ITPR2: variants seen among roughly 807,000 people sequenced by gnomAD.
The protein encoded by ITPR2 is inositol 1,4,5-trisphosphate receptor type 2.
A neutral mutation model predicts 317.1 loss-of-function variants in ITPR2; 207 were observed. The ratio of observed to expected loss-of-function variants is 0.65; its 90% CI spans 0.58 to 0.73. ITPR2 has a LOEUF of 0.73. Among genes scored for constraint, ITPR2 ranks in the 30% least tolerant of loss-of-function variants. The probability of loss-of-function intolerance (pLI) is 0.00; values close to 1 mark genes in which losing one functional copy is unlikely to be tolerated. For synonymous variants in ITPR2, 1,156 were observed against 1,149.1 expected (o/e 1.01, Z -0.12); for missense variants, 2,613 against 3,284.0 (o/e 0.80, Z 4.99).
chr12:26,439,388 A>T, intron 46 of ITPR2, 69 bp from the exon 47 acceptor site: 1 of 1,151,612 alleles, frequency 8.7e-7, no homozygotes, highest in East Asian at 2.5e-5. Flanking sequence ...TTTTGTTTTT[A>T]ACATGAGTTT....
chr12:26,460,467 G>A (rs981285185), intron 45 of ITPR2, among the ~76,000 whole-genome samples: 3 of 152,128 alleles, frequency 2.0e-5, no homozygotes, highest in East Asian at 1.9e-4. Flanking sequence ...TAACAGAAAC[G>A]AAATTAGTAA....
intron 35 of ITPR2, 24 bp from the exon 36 acceptor site, chr12:26,556,399 C>T (rs1944661849): frequency 6.2e-7 from 1 of 1,600,340 alleles, no homozygotes; most frequent in East Asian, 2.2e-5. Context: ...CACAAGAGAA[C>T]CCACATGAAG....
intron 37 of ITPR2, among the ~76,000 whole-genome samples, chr12:26,543,983 T>C (rs1944327348): frequency 6.6e-6 from 1 of 152,170 alleles, no homozygotes; most frequent in Non-Finnish European, 1.5e-5. Flanking sequence ...CTTTGTAAAC[T>C]CTTGCTTTTC....
At chr12:26,375,466 A>G (rs1939310110) in intron 55 of ITPR2, among the ~76,000 whole-genome samples, 1 of 152,234 alleles carries the variant, frequency 6.6e-6, no homozygotes, top group Non-Finnish European at 1.5e-5. Context: ...CAAACTGACC[A>G]CACCACCTCT....
chr12:26,589,823 A>T (rs56123323), intron 32 of ITPR2, among the ~76,000 whole-genome samples: 2,654 of 38,574 alleles, frequency 0.069, 233 homozygotes, highest in Non-Finnish European at 0.11. Context: ...TAAATAAATA[A>T]ATAAATAAAC....
intron 9 of ITPR2, among the ~76,000 whole-genome samples, chr12:26,698,052 G>C (rs746501438): frequency 1.6e-4 from 24 of 152,140 alleles, no homozygotes; most frequent in Non-Finnish European, 3.2e-4. Flanking sequence ...CAGACAACCA[G>C]AGAAGAGACA....
intron 34 of ITPR2, among the ~76,000 whole-genome samples, chr12:26,567,982 A>ATATATATATATATATATTATATATAT (rs1945035417): frequency 8.7e-5 from 1 of 11,486 alleles, no homozygotes; most frequent in Non-Finnish European, 3.7e-4. Flanking sequence ...TATATATTAT[A>ATATATATATATATATATTATATATAT]TATATATATA....
At chr12:26,803,338 G>A (rs900390052) in intron 1 of ITPR2, among the ~76,000 whole-genome samples, 1 of 149,834 alleles carries the variant, frequency 6.7e-6, no homozygotes, top group Non-Finnish European at 1.5e-5. Flanking sequence ...ACCCAGCACA[G>A]TGACTGGCAT....
intron 13 of ITPR2, among the ~76,000 whole-genome samples, chr12:26,666,804 A>T (rs2062165): frequency 1.3e-5 from 2 of 152,082 alleles, no homozygotes; most frequent in African/African-American, 4.8e-5. Flanking sequence ...AGTACAGGAA[A>T]TGTCTTGAAA....
At chr12:26,765,687 T>C (rs1366312525) in intron 2 of ITPR2, among the ~76,000 whole-genome samples, 1 of 152,178 alleles carries the variant, frequency 6.6e-6, no homozygotes, top group Non-Finnish European at 1.5e-5. Context: ...TTAAAGTGTG[T>C]AATTTCAATG....
At position 26,751,844 on chromosome 12, in the gene ITPR2, C is replaced by T. The variant is rs1253537067; in HGVS notation, c.164-26079G>A. ...TGGTGCCACTGCACTCCAGCCTGGG[C>T]GACAGAGCAAGACTCTATCTAAAAA... On this transcript the variant is annotated intron_variant, in intron 2 of 56. Transcript: ENST00000381340. 6.0e-5 allele frequency among the ~76,000 whole-genome samples: 9 copies of T among 150,218 alleles called. No individual in the cohort carries two copies. In the East Asian group the frequency reaches 9.8e-4, roughly 16 times the overall value.
intron 45 of ITPR2, among the ~76,000 whole-genome samples, chr12:26,464,200 A>G (rs1233198477): frequency 6.6e-6 from 1 of 152,154 alleles, no homozygotes; most frequent in Non-Finnish European, 1.5e-5. Flanking sequence ...GGATGAATCA[A>G]CCACATTATA....
intron 37 of ITPR2, among the ~76,000 whole-genome samples, chr12:26,531,769 T>C (rs1943952922): frequency 6.6e-6 from 1 of 152,124 alleles, no homozygotes; most frequent in Non-Finnish European, 1.5e-5. Context: ...ATAGGAAAGA[T>C]TATACCAACA....
At position 26,337,329 on chromosome 12, in the gene ITPR2, T is replaced by C. The variant is rs1302025985; in HGVS notation, c.*2068A>G. On this transcript the variant is annotated 3_prime_UTR_variant, in exon 57 of 57. Coordinates refer to ENST00000381340, the MANE Select transcript of ITPR2 (RefSeq NM_002223.4). ...TTATTCTCTTGACCTCTAGTTCAGA[T>C]GTCAGAAATATTTTGTACTAAAACA... The C allele has an allele frequency of 6.6e-6, 1 of 152,254 alleles. No individual in the cohort carries two copies. Among genetic ancestry groups the C allele is most frequent in the Admixed American group, 6.5e-5 (1 of 15,284 alleles). The allele number at this position is 152,254 out of a possible 1,614,324, so 9.4% of individuals were successfully genotyped here.
intron 55 of ITPR2, among the ~76,000 whole-genome samples, chr12:26,346,558 G>A (rs1409992361): frequency 6.6e-6 from 1 of 152,074 alleles, no homozygotes; most frequent in African/African-American, 2.4e-5. Context: ...AGGAGGTGGA[G>A]GTTGCAGTGA....
intron 48 of ITPR2, among the ~76,000 whole-genome samples, chr12:26,434,461 C>G (rs979288434): frequency 2.6e-5 from 4 of 152,150 alleles, no homozygotes; most frequent in Admixed American, 2.0e-4. Flanking sequence ...TAAAGAGCAA[C>G]TGCCCAGAGG....
intron 8 of ITPR2, among the ~76,000 whole-genome samples, chr12:26,712,950 C>T (rs1200963237): frequency 6.6e-6 from 1 of 152,194 alleles, no homozygotes; most frequent in Admixed American, 6.5e-5. Flanking sequence ...CCCTCAGGAC[C>T]AGCCCCACCC....
At chr12:26,349,092 G>T (rs1298918724) in intron 55 of ITPR2, among the ~76,000 whole-genome samples, 1 of 152,158 alleles carries the variant, frequency 6.6e-6, no homozygotes, top group African/African-American at 2.4e-5. Flanking sequence ...AGACTGTAGT[G>T]AGCTATGATC....
intron 37 of ITPR2, 80 bp downstream of exon 37, chr12:26,550,167 T>C (rs1944488539): frequency 1.7e-6 from 1 of 602,302 alleles, no homozygotes; most frequent in African/African-American, 1.9e-5. Context: ...AATCACGTAA[T>C]AGCCTATTGT....
Sources: allele counts gnomAD v4.1 joint callset (sites outside exome capture counted in the v4.1 genomes callset), GRCh38; gene constraint gnomAD v4.1.1; transcripts MANE v1.5; gene names NCBI Gene and HGNC (gene_info 2026-07-23, HGNC 2026-07-21).